Variants in DLGAP2 observed in about 807,000 individuals in gnomAD.
The protein encoded by DLGAP2 is disks large-associated protein 2.
DLGAP2 carries 26 observed loss-of-function variants against 100.3 expected under a neutral mutation model. That is an observed-to-expected ratio of 0.26 (90% confidence interval 0.19 to 0.36). DLGAP2 has a LOEUF of 0.36. Among genes scored for constraint, DLGAP2 ranks in the 10% least tolerant of loss-of-function variants. The pLI is 1.00. For missense variants in DLGAP2, 1,858 were observed against 1,453.2 expected (o/e 1.28, Z -4.53); for synonymous variants, 886 against 630.1 (o/e 1.41, Z -6.08).
chr8:1,048,052 G>C (rs1324467692), intron 2 of DLGAP2, among the ~76,000 whole-genome samples: 2 of 152,142 alleles, frequency 1.3e-5, no homozygotes, highest in Non-Finnish European at 1.5e-5. Context: ...TGTAGCTCAA[G>C]TTTTGGACCA....
At chr8:1,325,257 A>AGATGT (rs768661765) in intron 3 of DLGAP2, among the ~76,000 whole-genome samples, 4 of 152,170 alleles carry the variant, frequency 2.6e-5, no homozygotes, top group Non-Finnish European at 5.9e-5. Context: ...CCCAAGAGTG[A>AGATGT]GATGTCCGAT....
chr8:1,663,059 A>G (rs114442882), intron 8 of DLGAP2, among the ~76,000 whole-genome samples: 1,544 of 99,308 alleles, frequency 0.016, 30 homozygotes, highest in African/African-American at 0.056. Context: ...GTGTACACAT[A>G]GTGTGGGGTG....
intron 3 of DLGAP2, among the ~76,000 whole-genome samples, chr8:1,465,696 C>T (rs552135225): frequency 6.6e-6 from 1 of 152,186 alleles, no homozygotes; most frequent in African/African-American, 2.4e-5. Flanking sequence ...GCTCAGACAG[C>T]CGTGTGGAAA....
chr8:1,076,489 G>C (rs990128210), intron 2 of DLGAP2, among the ~76,000 whole-genome samples: 1 of 152,230 alleles, frequency 6.6e-6, no homozygotes, highest in African/African-American at 2.4e-5. Flanking sequence ...CAGATCTGCC[G>C]CTCATGGCCC....
At chr8:958,145 G>A (rs574598525) in intron 2 of DLGAP2, among the ~76,000 whole-genome samples, 1 of 152,258 alleles carries the variant, frequency 6.6e-6, no homozygotes, top group African/African-American at 2.4e-5. Context: ...TATTTATAAT[G>A]TTGATCTGGC....
chr8:837,669 T>TGC (rs1796904602), intron 1 of DLGAP2, among the ~76,000 whole-genome samples: 1 of 149,642 alleles, frequency 6.7e-6, no homozygotes, highest in Admixed American at 6.7e-5. Flanking sequence ...TGTGTATGTG[T>TGC]GTGTGTGTGT....
At chr8:1,457,430 T>C (rs1475127486) in intron 3 of DLGAP2, among the ~76,000 whole-genome samples, 1 of 152,188 alleles carries the variant, frequency 6.6e-6, no homozygotes, top group Admixed American at 6.5e-5. Context: ...CTGAGAAATG[T>C]ATTCCAGCAT....
chr8:1,082,944 G>A (rs1318942423), intron 2 of DLGAP2, among the ~76,000 whole-genome samples: 1 of 152,140 alleles, frequency 6.6e-6, no homozygotes, highest in East Asian at 1.9e-4. Context: ...GAAGGGATCT[G>A]TTATGAAATT....
intron 2 of DLGAP2, among the ~76,000 whole-genome samples, chr8:1,056,375 G>C (rs1802884433): frequency 6.6e-6 from 1 of 152,048 alleles, no homozygotes; most frequent in African/African-American, 2.4e-5. Context: ...CTCTGTCCTG[G>C]TTTACCTCAG....
At chr8:800,512 C>T (rs1306908985) in intron 1 of DLGAP2, among the ~76,000 whole-genome samples, 3 of 152,174 alleles carry the variant, frequency 2.0e-5, no homozygotes, top group African/African-American at 4.8e-5. Flanking sequence ...ACAGCTGGGC[C>T]GGGGCCTGTG....
chr8:968,584 C>T (rs1036746011), intron 2 of DLGAP2, among the ~76,000 whole-genome samples: 1 of 152,206 alleles, frequency 6.6e-6, no homozygotes, highest in Non-Finnish European at 1.5e-5. Flanking sequence ...GGCCAAGCCC[C>T]AAGCCAGCGC....
intron 2 of DLGAP2, among the ~76,000 whole-genome samples, chr8:1,239,966 C>G (rs1157516371): frequency 2.0e-5 from 3 of 148,620 alleles, no homozygotes; most frequent in Non-Finnish European, 3.0e-5. Context: ...AGTTCTCTCT[C>G]ACACATAGCG....
intron 2 of DLGAP2, among the ~76,000 whole-genome samples, chr8:1,062,331 T>C (rs1178135051): frequency 6.6e-6 from 1 of 152,186 alleles, no homozygotes; most frequent in Non-Finnish European, 1.5e-5. Context: ...GTCCGGGCTG[T>C]GGCTGACTGG....
chr8:1,479,126 C>T (rs1253545294), intron 3 of DLGAP2, among the ~76,000 whole-genome samples: 3 of 152,256 alleles, frequency 2.0e-5, no homozygotes, highest in Admixed American at 6.5e-5. Flanking sequence ...GGGGGCAACG[C>T]TGGGACAGCA....
intron 3 of DLGAP2, among the ~76,000 whole-genome samples, chr8:1,425,415 C>T (rs1797210866): frequency 6.6e-6 from 1 of 152,122 alleles, no homozygotes; most frequent in South Asian, 2.1e-4. Flanking sequence ...GACAGCATCG[C>T]CCATGGTACC....
intron 3 of DLGAP2, among the ~76,000 whole-genome samples, chr8:1,328,473 C>A (rs140117752): frequency 6.8e-4 from 104 of 152,066 alleles, no homozygotes; most frequent in Non-Finnish European, 1.4e-3. Flanking sequence ...TCATGCCTGA[C>A]TAATTTGTGT....
chr8:1,263,369 C>T (rs1325336764), intron 3 of DLGAP2, among the ~76,000 whole-genome samples: 1 of 152,166 alleles, frequency 6.6e-6, no homozygotes, highest in Non-Finnish European at 1.5e-5. Context: ...TTGGAAAACA[C>T]AATCTGCATG....
At chr8:1,356,446 C>T (rs1043092970) in intron 3 of DLGAP2, among the ~76,000 whole-genome samples, 1 of 152,220 alleles carries the variant, frequency 6.6e-6, no homozygotes, top group Non-Finnish European at 1.5e-5. Context: ...AAATGCCCGT[C>T]AGAGGCTGCA....
intron 3 of DLGAP2, among the ~76,000 whole-genome samples, chr8:1,331,768 C>T (rs940771007): frequency 6.6e-6 from 1 of 152,220 alleles, no homozygotes; most frequent in Non-Finnish European, 1.5e-5. Flanking sequence ...GGCACACCTT[C>T]TCTCATATCT....
Sources: allele counts gnomAD v4.1 joint callset (sites outside exome capture counted in the v4.1 genomes callset), GRCh38; gene constraint gnomAD v4.1.1; transcripts MANE v1.5; gene names NCBI Gene and HGNC (gene_info 2026-07-23, HGNC 2026-07-21).